SMNDC1: variants seen among roughly 807,000 people sequenced by gnomAD.
SMNDC1 encodes the protein survival of motor neuron-related-splicing factor 30.
SMNDC1 carries 5 observed loss-of-function variants against 29.2 expected under a neutral mutation model. The observed-to-expected ratio is 0.17, with a 90% confidence interval of 0.09 to 0.36. The LOEUF (loss-of-function observed/expected upper bound fraction) is 0.36, where lower values mean the gene tolerates loss of function less well. Ranked by LOEUF, SMNDC1 falls within the 10% of genes least tolerant of loss-of-function variation. SMNDC1 has a pLI of 1.00. For missense variants in SMNDC1, 142 were observed against 268.5 expected, an observed-to-expected ratio of 0.53 and a Z score of 3.29; for synonymous variants, 80 against 89.9, an observed-to-expected ratio of 0.89 and a Z score of 0.62.
At chr10:110,303,031 A>G (rs1857678180) in intron 2 of SMNDC1, among the ~76,000 whole-genome samples, 1 of 152,186 alleles carries the variant, frequency 6.6e-6, no homozygotes, top group African/African-American at 2.4e-5. Flanking sequence ...TTGGGGAAAA[A>G]AAAAAGGCAC....
At chr10:110,294,405 T>C (rs1045710216) in intron 5 of SMNDC1, 118 bp from the exon 6 acceptor site, 19 of 835,448 alleles carry the variant, frequency 2.3e-5, no homozygotes, top group African/African-American at 7.2e-5. Context: ...GAAAAACATA[T>C]TGCCTTTGTT....
chr10:110,301,369 T>C (rs1857646025), intron 2 of SMNDC1, among the ~76,000 whole-genome samples: 1 of 142,508 alleles, frequency 7.0e-6, no homozygotes, highest in South Asian at 2.4e-4. Flanking sequence ...TATTACCTCA[T>C]CTTAAAAGAT....
At chr10:110,301,031 A>G (rs1857638151) in intron 2 of SMNDC1, among the ~76,000 whole-genome samples, 1 of 152,246 alleles carries the variant, frequency 6.6e-6, no homozygotes, top group Non-Finnish European at 1.5e-5. Flanking sequence ...AGATGCAAAA[A>G]AAGCATTTTG....
rs1235726772 is a variant in SMNDC1, at chr10:110,291,297, T to C, written c.*2853A>G. ...TTTAAACAAGCATTAGGGGTGACTTTTATTATAACCTTCACCCCCTTCCCA... is the reference window on the plus strand; with the variant it reads ...TTTAAACAAGCATTAGGGGTGACTTCTATTATAACCTTCACCCCCTTCCCA... On this transcript the variant is annotated 3_prime_UTR_variant, in exon 6 of 6. Coordinates refer to ENST00000369603, the MANE Select transcript of SMNDC1 (RefSeq NM_005871.4). 6.6e-6 allele frequency: 1 copy of C among 152,220 alleles called. No individual in the cohort carries two copies. The highest frequency in any genetic ancestry group is 1.9e-4 in the East Asian group (1 of 5,200). 9.4% of individuals were successfully genotyped at this position (152,220 alleles called of 1,614,324 possible).
intron 1 of SMNDC1, chr10:110,304,546 T>C (rs1857713462): frequency 6.6e-6 from 1 of 152,118 alleles, no homozygotes; most frequent in African/African-American, 2.4e-5. Context: ...GCGGGCCGTG[T>C]TTGCCGCCGC....
chr10:110,302,705 T>C (rs555133377), intron 2 of SMNDC1, among the ~76,000 whole-genome samples: 1 of 152,216 alleles, frequency 6.6e-6, no homozygotes, highest in African/African-American at 2.4e-5. Flanking sequence ...AAAAGTCATA[T>C]ATATTTGCAA....
chr10:110,297,475 A>C (rs1857581856), intron 4 of SMNDC1, 92 bp downstream of exon 4: 2 of 1,198,614 alleles, frequency 1.7e-6, no homozygotes, highest in Non-Finnish European at 2.4e-6. Context: ...ACAGTATTAC[A>C]ACTTTCTTAT....
At chr10:110,300,768 T>C in intron 2 of SMNDC1, 7 of 963,982 alleles carry the variant, frequency 7.3e-6, no homozygotes, top group Non-Finnish European at 8.6e-6. Flanking sequence ...ACTTGACCCC[T>C]GCCTCCTTTA....
At chr10:110,302,937 T>A (rs943374322) in intron 2 of SMNDC1, among the ~76,000 whole-genome samples, 1 of 152,172 alleles carries the variant, frequency 6.6e-6, no homozygotes, top group African/African-American at 2.4e-5. Context: ...AGTCTGAACA[T>A]CTATGTAACA....
chr10:110,295,966 T>G (rs898357214), intron 4 of SMNDC1, among the ~76,000 whole-genome samples: 2 of 152,186 alleles, frequency 1.3e-5, no homozygotes, highest in Admixed American at 1.3e-4. Flanking sequence ...CTATTTTACT[T>G]TTGTATAGCT....
intron 3 of SMNDC1, among the ~76,000 whole-genome samples, chr10:110,298,017 G>A (rs145227261): frequency 1.4e-3 from 215 of 152,188 alleles, no homozygotes; most frequent in Admixed American, 2.7e-3. Context: ...TTGCGACAGA[G>A]TCTCACTGTC....
intron 2 of SMNDC1, among the ~76,000 whole-genome samples, 181 bp downstream of exon 2, chr10:110,303,287 C>A (rs1857684716): frequency 6.6e-6 from 1 of 152,204 alleles, no homozygotes; most frequent in Admixed American, 6.5e-5. Context: ...ATATTTCACT[C>A]TGATGTACAG....
intron 1 of SMNDC1, chr10:110,303,901 G>A (rs1857696592): frequency 4.1e-6 from 1 of 243,832 alleles, no homozygotes; most frequent in Non-Finnish European, 7.8e-6. Flanking sequence ...TCAATAATCA[G>A]TGTTATCTTT....
At position 110,295,396 on chromosome 10, in the gene SMNDC1, G is replaced by C; in HGVS notation, c.426-15C>G. On this transcript the variant is annotated splice_polypyrimidine_tract_variant and intron_variant, in intron 4 of 5. Coordinates refer to ENST00000369603, the MANE Select transcript of SMNDC1 (RefSeq NM_005871.4). The stretch of plus-strand genomic sequence containing the variant: ...TCATTTCTTTTCTGCATGAAAAAAA[G>C]TTAAATGTCAACTGTTAAGACTTAT... The C allele has an allele frequency of 1.3e-6, 2 of 1,568,440 alleles. No individual in the cohort carries two copies. The highest frequency in any genetic ancestry group is 1.7e-6 in the Non-Finnish European group (2 of 1,164,414).
Position 110,293,083 on chromosome 10 carries a change from A to G in SMNDC1, c.*1067T>C, listed in dbSNP as rs1442363707. 1 of 152,342 alleles carries G rather than the reference A, an allele frequency of 6.6e-6. No homozygotes were observed. Among genetic ancestry groups the G allele is most frequent in the Admixed American group, 6.5e-5 (1 of 15,276 alleles). The allele number at this position is 152,342 out of a possible 1,614,324, so 9.4% of individuals were successfully genotyped here. A position where few individuals can be genotyped will look rare whatever the true frequency, so the allele number is the denominator to read the frequency against. ...TTTATTTAATAAAAGTTAAACATAC[A>G]AAACTGAAATAATACACATCCTAAA... On this transcript the variant is annotated 3_prime_UTR_variant, in exon 6 of 6. Coordinates refer to ENST00000369603, the MANE Select transcript of SMNDC1 (RefSeq NM_005871.4).
Position 110,294,336 on chromosome 10 carries a change from A to G in SMNDC1, c.580-49T>C, listed in dbSNP as rs529028985. 419 of 1,458,690 alleles carry G rather than the reference A, an allele frequency of 2.9e-4. 4 individuals carry two copies. The South Asian group carries it at 5.5e-3, about 19-fold the overall frequency. The allele number at this position is 1,458,690 out of a possible 1,614,324, so 90.4% of individuals were successfully genotyped here. A position where few individuals can be genotyped will look rare whatever the true frequency, so the allele number is the denominator to read the frequency against. On this transcript the variant is annotated intron_variant, in intron 5 of 5. Coordinates refer to ENST00000369603, the MANE Select transcript of SMNDC1 (RefSeq NM_005871.4). ...ATTCCTGATTAGTGTTGGAAAAAAT[A>G]AAAAATTTCAAATTTTAAGTAATGT...
chr10:110,297,732 T>C lies in SMNDC1; in HGVS notation c.264-4A>G, dbSNP rs373707852. The stretch of plus-strand genomic sequence containing the variant: ...CTCAATCTCCGCTTCATAACACCTG[T>C]AAAGATATCATGGCTGTAAGCAGGT... On this transcript the variant is annotated splice_region_variant and splice_polypyrimidine_tract_variant and intron_variant, in intron 3 of 5. Coordinates refer to ENST00000369603, the MANE Select transcript of SMNDC1 (RefSeq NM_005871.4). 1 of 1,613,186 alleles carries C rather than the reference T, an allele frequency of 6.2e-7. No homozygotes were observed. The highest frequency in any genetic ancestry group is 1.7e-5 in the Admixed American group (1 of 59,906).
At chr10:110,303,351 A>C (rs571700712) in intron 2 of SMNDC1, 117 bp downstream of exon 2, 2 of 842,586 alleles carry the variant, frequency 2.4e-6, no homozygotes, top group South Asian at 2.2e-5. Flanking sequence ...GTACCTACAG[A>C]ATTTACATAT....
In SMNDC1 at chr10:110,297,610, C is replaced by T; in HGVS notation, c.382G>A (p.Gly128Arg). Residue 128 changes from glycine to arginine, a missense_variant, in exon 4 of 6, where the codon GGA becomes AGA. Gly to Arg is a moderately radical substitution (Grantham distance 125). Coordinates refer to ENST00000369603, the MANE Select transcript of SMNDC1 (RefSeq NM_005871.4). ...CCACTGTCCTCCTTTGCCTTCCTTC[C>T]TTCTTCTACAGGCTTGAGGTTCAAC... ...PLLNLKPVEEGRKAKEDSGNK... is the reference protein window; with the variant it reads ...PLLNLKPVEERRKAKEDSGNK... 2 of 1,613,974 alleles carry T rather than the reference C, an allele frequency of 1.2e-6. No homozygotes were observed. The highest frequency in any genetic ancestry group is 1.7e-6 in the Non-Finnish European group (2 of 1,179,928).
Sources: gnomAD v4.1 joint callset for allele counts (sites outside exome capture counted in the v4.1 genomes callset) on GRCh38, gnomAD v4.1.1 for gene constraint, MANE v1.5 for transcripts, NCBI Gene and HGNC (gene_info 2026-07-23, HGNC 2026-07-21) for gene names.